The following DPH6 variants were observed in gnomAD, a reference collection of about 807,000 sequenced individuals.
The protein encoded by DPH6 is diphthamine biosynthesis 6.
In DPH6, 33 loss-of-function variants were observed where a neutral mutation model predicts 38.2. That is an observed-to-expected ratio of 0.86 (90% CI 0.65 to 1.15). The LOEUF (loss-of-function observed/expected upper bound fraction) is 1.15. Among genes scored for constraint, DPH6 ranks in the 50% most tolerant of loss-of-function variants. DPH6 has a pLI of 0.00. For synonymous variants in DPH6, 108 were observed against 103.0 expected (o/e 1.05, Z -0.30); for missense variants, 325 against 320.0 (o/e 1.02, Z -0.12).
intron 3 of DPH6, among the ~76,000 whole-genome samples, chr15:35,514,600 GA>G (rs1286311428): frequency 6.6e-6 from 1 of 152,014 alleles, no homozygotes. Flanking sequence ...TGAATCATAC[GA>G]CTTCACTATG....
chr15:35,509,931 G>A lies in DPH6; in HGVS notation c.312+28343C>T, dbSNP rs561786982. The stretch of plus-strand genomic sequence containing the variant: ...TACAACTACCAGCTTTAAAGATTCA[G>A]GTAGCTGGGCATGGAGGCTCATCCC... On this transcript the variant is annotated intron_variant, in intron 3 of 8. Coordinates refer to ENST00000256538, the MANE Select transcript of DPH6 (RefSeq NM_080650.4). Among the ~76,000 whole-genome samples, 193 of 152,252 alleles carry A rather than the reference G, an allele frequency of 1.3e-3. 8 individuals are homozygous for A. Among genetic ancestry groups the A allele is most frequent in the Non-Finnish European group, 1.1e-3 (73 of 68,028 alleles).
At chr15:35,423,701 T>C (rs1228953922) in intron 5 of DPH6, among the ~76,000 whole-genome samples, 1 of 151,876 alleles carries the variant, frequency 6.6e-6, no homozygotes, top group East Asian at 1.9e-4. Context: ...AAATCCATTT[T>C]GAGTTGAATA....
At chr15:35,232,437 C>T (rs1408125467) in intron 3 of DPH6, among the ~76,000 whole-genome samples, 1 of 151,906 alleles carries the variant, frequency 6.6e-6, no homozygotes, top group East Asian at 1.9e-4. Context: ...AAATATAAGC[C>T]GGGTGTGATG....
At chr15:35,487,393 A>G (rs1269437541) in intron 3 of DPH6, among the ~76,000 whole-genome samples, 1 of 152,194 alleles carries the variant, frequency 6.6e-6, no homozygotes. Context: ...CATCCTTTGA[A>G]ATCTAGGTGG....
chr15:35,483,533 T>C (rs903060698), intron 3 of DPH6, among the ~76,000 whole-genome samples: 3 of 150,850 alleles, frequency 2.0e-5, no homozygotes, highest in Non-Finnish European at 4.4e-5. Flanking sequence ...CTAGAATGTG[T>C]ATAATCAAAA....
At chr15:35,168,153 G>A in the DPH6 span, among the ~76,000 whole-genome samples, 1 of 151,910 alleles carries the variant, frequency 6.6e-6, no homozygotes, top group Non-Finnish European at 1.5e-5. Flanking sequence ...CATAGGTAGG[G>A]GAAATGCTTG....
At chr15:35,218,020 T>G (rs1001206187) in exon 4 of DPH6, 3 of 152,170 alleles carry the variant, frequency 2.0e-5, no homozygotes, top group Non-Finnish European at 4.4e-5. Context: ...ATCACAAGAA[T>G]AAAGTCTGTA....
chr15:35,209,804 C>T, the DPH6 span, among the ~76,000 whole-genome samples: 1 of 152,146 alleles, frequency 6.6e-6, no homozygotes, highest in Admixed American at 6.6e-5. Flanking sequence ...TCAATCAAAC[C>T]TTATTATTCC....
In DPH6 at chr15:35,371,459, G is replaced by T; in HGVS notation, c.*691C>A. ...GAGGCTGTGAATGTGTGGAGGTAGA[G>T]GGTATATGGGAAATCTCTGCATTTT... On this transcript the variant is annotated 3_prime_UTR_variant, in exon 9 of 9. Coordinates refer to ENST00000256538, the MANE Select transcript of DPH6 (RefSeq NM_080650.4). The T allele has an allele frequency of 2.1e-6, 1 of 469,748 alleles. No individual in the cohort carries two copies. Among genetic ancestry groups the T allele is most frequent in the Non-Finnish European group, 2.8e-6 (1 of 359,282 alleles). 29.1% of individuals were successfully genotyped at this position (469,748 alleles called of 1,614,324 possible). A position where few individuals can be genotyped will look rare whatever the true frequency, so the allele number is the denominator to read the frequency against.
At chr15:35,161,491 A>G in the DPH6 span, among the ~76,000 whole-genome samples, 6 of 151,972 alleles carry the variant, frequency 3.9e-5, no homozygotes, top group Non-Finnish European at 8.8e-5. Context: ...AATGACCACA[A>G]CCATATCTCC....
chr15:35,211,410 T>C, the DPH6 span, among the ~76,000 whole-genome samples: 1 of 152,152 alleles, frequency 6.6e-6, no homozygotes, highest in Admixed American at 6.6e-5. Context: ...TAACTGTCTG[T>C]AGAGCTCACA....
intron 6 of DPH6, among the ~76,000 whole-genome samples, chr15:35,395,998 G>T (rs2053126789): frequency 6.6e-6 from 1 of 152,058 alleles, no homozygotes; most frequent in Non-Finnish European, 1.5e-5. Context: ...AAATGTGAGG[G>T]TCATATTGGA....
At chr15:35,331,699 G>A (rs978875204) in intron 3 of DPH6, among the ~76,000 whole-genome samples, 6 of 152,184 alleles carry the variant, frequency 3.9e-5, no homozygotes, top group African/African-American at 1.4e-4. Flanking sequence ...GATCTGGGCA[G>A]CCAAGGATCA....
At chr15:35,291,261 G>A (rs1014012831) in intron 3 of DPH6, among the ~76,000 whole-genome samples, 1 of 152,040 alleles carries the variant, frequency 6.6e-6, no homozygotes, top group Admixed American at 6.5e-5. Flanking sequence ...TTGTCTGTGA[G>A]TAACTTACAT....
chr15:35,382,186 A>G (rs949891108), intron 6 of DPH6, among the ~76,000 whole-genome samples: 2 of 152,228 alleles, frequency 1.3e-5, no homozygotes, highest in Non-Finnish European at 1.5e-5. Context: ...CTGTAATCCC[A>G]GCACTTTGGG....
chr15:35,358,511 C>T (rs1418972039), intron 3 of DPH6, among the ~76,000 whole-genome samples: 1 of 152,106 alleles, frequency 6.6e-6, no homozygotes, highest in Non-Finnish European at 1.5e-5. Context: ...ATTTGGGTAG[C>T]CTCTGTCAGA....
At chr15:35,304,528 G>C (rs1011319808) in intron 3 of DPH6, among the ~76,000 whole-genome samples, 3 of 151,906 alleles carry the variant, frequency 2.0e-5, no homozygotes, top group Admixed American at 2.0e-4. Flanking sequence ...CTCTAATTCC[G>C]AGAAAACACC....
chr15:35,451,806 C>G (rs1011859962), intron 4 of DPH6, among the ~76,000 whole-genome samples: 2 of 152,112 alleles, frequency 1.3e-5, no homozygotes, highest in African/African-American at 2.4e-5. Context: ...GTCAGGAAAT[C>G]GAGACCATCC....
At chr15:35,310,931 T>C (rs951509834) in intron 3 of DPH6, among the ~76,000 whole-genome samples, 2 of 151,218 alleles carry the variant, frequency 1.3e-5, no homozygotes, top group African/African-American at 2.4e-5. Flanking sequence ...TGGTGGCACA[T>C]GCCTGTAATC....
Sources: gnomAD v4.1 joint callset for allele counts (sites outside exome capture counted in the v4.1 genomes callset) on GRCh38, gnomAD v4.1.1 for gene constraint, MANE v1.5 for transcripts, NCBI Gene and HGNC (gene_info 2026-07-23, HGNC 2026-07-21) for gene names.